The following SLC35F4 variants were observed in gnomAD, a reference collection of about 807,000 sequenced individuals.
SLC35F4 encodes the protein chromosome 14 open reading frame 36.
SLC35F4 carries 24 observed loss-of-function variants against 44.2 expected under a neutral mutation model. The observed-to-expected ratio is 0.54, with a 90% CI of 0.39 to 0.76. The LOEUF (loss-of-function observed/expected upper bound fraction) is 0.76, where lower values mean the gene tolerates loss of function less well. Ranked by LOEUF, SLC35F4 falls within the 30% of genes least tolerant of loss-of-function variation. The pLI, the probability that SLC35F4 is intolerant of heterozygous loss-of-function variation, is 0.00. For synonymous variants in SLC35F4, 238 were observed against 223.6 expected (o/e 1.06, Z -0.57); for missense variants, 562 against 586.1 (o/e 0.96, Z 0.42).
At chr14:57,962,468 T>A (rs1404101891) in intron 1 of SLC35F4, among the ~76,000 whole-genome samples, 3 of 152,140 alleles carry the variant, frequency 2.0e-5, no homozygotes, top group Non-Finnish European at 2.9e-5. Flanking sequence ...TGCCTCAACC[T>A]AAATTAGGAA....
chr14:57,802,985 C>CA (rs59647111), intron 1 of SLC35F4, among the ~76,000 whole-genome samples: 1,033 of 71,114 alleles, frequency 0.015, 10 homozygotes, highest in Middle Eastern at 0.024. Context: ...GCAGAGATAC[C>CA]AAAAAAAAAA....
At chr14:57,799,108 A>G (rs897881661) in intron 1 of SLC35F4, among the ~76,000 whole-genome samples, 4 of 152,218 alleles carry the variant, frequency 2.6e-5, no homozygotes, top group African/African-American at 9.6e-5. Flanking sequence ...TGAAATATCG[A>G]GGTTCTTGCA....
At chr14:57,927,024 T>G (rs959661703) in intron 1 of SLC35F4, among the ~76,000 whole-genome samples, 6 of 152,164 alleles carry the variant, frequency 3.9e-5, no homozygotes, top group African/African-American at 1.4e-4. Flanking sequence ...GAAGGCCACA[T>G]TCCCCAAAGC....
intron 1 of SLC35F4, among the ~76,000 whole-genome samples, chr14:57,937,242 AT>A (rs1889814177): frequency 6.6e-6 from 1 of 151,792 alleles, no homozygotes; most frequent in Non-Finnish European, 1.5e-5. Context: ...TAATTTTTGT[AT>A]TTTTACCAGA....
At chr14:57,575,612 C>A (rs1416752540) in intron 4 of SLC35F4, among the ~76,000 whole-genome samples, 1 of 151,944 alleles carries the variant, frequency 6.6e-6, no homozygotes, top group Non-Finnish European at 1.5e-5. Context: ...GTTTAAACCT[C>A]TCTGCCCTCA....
chr14:57,654,631 T>C lies in SLC35F4; in HGVS notation c.104-60507A>G, dbSNP rs575581692. Among the ~76,000 whole-genome samples, 47 of 152,348 alleles carry C rather than the reference T, an allele frequency of 3.1e-4. 1 individual carries two copies. In the South Asian group the frequency reaches 9.5e-3, roughly 31 times the overall value. On this transcript the variant is annotated intron_variant, in intron 1 of 7. Coordinates refer to ENST00000556826, the MANE Select transcript of SLC35F4 (RefSeq NM_001306087.2). Reference sequence around the variant, plus strand: ...CCCATAGTGGGATTGCTGGATCAAATTGTAGTTCTACTTTTAGTTCTTTAA... The same window carrying C: ...CCCATAGTGGGATTGCTGGATCAAACTGTAGTTCTACTTTTAGTTCTTTAA...
intron 1 of SLC35F4, among the ~76,000 whole-genome samples, chr14:57,743,686 A>G (rs1273043799): frequency 6.6e-6 from 1 of 152,216 alleles, no homozygotes; most frequent in Non-Finnish European, 1.5e-5. Context: ...AACTATTCCA[A>G]TCAATAGAAA....
At chr14:57,928,054 A>G (rs1441820014) in intron 1 of SLC35F4, among the ~76,000 whole-genome samples, 1 of 150,604 alleles carries the variant, frequency 6.6e-6, no homozygotes, top group Non-Finnish European at 1.5e-5. Flanking sequence ...GTAACACCAC[A>G]GAAGAAAAAA....
At chr14:57,582,839 A>G (rs908439644) in intron 3 of SLC35F4, among the ~76,000 whole-genome samples, 3 of 152,226 alleles carry the variant, frequency 2.0e-5, no homozygotes, top group Admixed American at 6.5e-5. Flanking sequence ...CCTCACATGA[A>G]TAACCCCAAA....
Position 57,572,960 on chromosome 14 carries a change from A to G in SLC35F4, c.808-941T>C, listed in dbSNP as rs191496225. Among the ~76,000 whole-genome samples the G allele has an allele frequency of 1.4e-3, 216 of 152,292 alleles. 1 individual carries two copies. Among genetic ancestry groups the G allele is most frequent in the African/African-American group, 4.9e-3 (202 of 41,562 alleles). ...TCACTGACTTTAAAATCCAGATGAA[A>G]ATTGGTGAGAAATTTAAACCTACAT... On this transcript the variant is annotated intron_variant, in intron 4 of 7. Coordinates refer to ENST00000556826, the MANE Select transcript of SLC35F4 (RefSeq NM_001306087.2).
intron 1 of SLC35F4, among the ~76,000 whole-genome samples, chr14:57,733,219 C>T (rs1092017): frequency 0.54 from 81,311 of 151,870 alleles, 22,030 homozygotes; most frequent in Non-Finnish European, 0.58. Context: ...TTGGAAAGTA[C>T]GTACTTTGAA....
At chr14:57,691,195 T>C (rs1005696663) in intron 1 of SLC35F4, among the ~76,000 whole-genome samples, 9 of 151,948 alleles carry the variant, frequency 5.9e-5, no homozygotes, top group Admixed American at 1.3e-4. Flanking sequence ...GGGGAGGAAA[T>C]GAAAAGGTGA....
At chr14:57,886,712 C>G (rs1483037466) in intron 1 of SLC35F4, among the ~76,000 whole-genome samples, 2 of 151,344 alleles carry the variant, frequency 1.3e-5, no homozygotes, top group Non-Finnish European at 2.9e-5. Flanking sequence ...GAGGCCTCTG[C>G]AAAGGCCATG....
intron 1 of SLC35F4, among the ~76,000 whole-genome samples, chr14:57,876,867 G>A (rs1888410000): frequency 6.6e-6 from 1 of 152,144 alleles, no homozygotes; most frequent in Non-Finnish European, 1.5e-5. Flanking sequence ...ATCCTTCAGG[G>A]AAGTCTCTGT....
chr14:57,755,312 C>A lies in SLC35F4; in HGVS notation c.103+110411G>T, dbSNP rs565688778. ...TGACAATGCAGGGTGAATCTGAGAACCCTGGCACTCTGCCAGGACAAATTC... is the reference window on the plus strand; with the variant it reads ...TGACAATGCAGGGTGAATCTGAGAAACCTGGCACTCTGCCAGGACAAATTC... On this transcript the variant is annotated intron_variant, in intron 1 of 7. Coordinates refer to ENST00000556826, the MANE Select transcript of SLC35F4 (RefSeq NM_001306087.2). 2.0e-3 allele frequency among the ~76,000 whole-genome samples: 303 copies of A among 152,256 alleles called. 2 individuals carry two copies. The highest frequency in any genetic ancestry group is 0.01 in the Middle Eastern group (3 of 294).
intron 1 of SLC35F4, among the ~76,000 whole-genome samples, chr14:57,820,311 C>T (rs557903383): frequency 7.9e-5 from 12 of 152,238 alleles, no homozygotes; most frequent in South Asian, 2.1e-4. Flanking sequence ...TATTACTGAT[C>T]GCTCTAAATA....
intron 1 of SLC35F4, among the ~76,000 whole-genome samples, chr14:57,619,819 T>A (rs1292880727): frequency 6.6e-6 from 1 of 151,926 alleles, no homozygotes; most frequent in African/African-American, 2.4e-5. Context: ...AATTGCTAAG[T>A]AGAATAACCA....
rs1594892017 is a variant in SLC35F4 at position 57,571,885 on chromosome 14, A to C, written c.933+9T>G. The C allele has an allele frequency of 1.2e-6, 2 of 1,608,388 alleles. No homozygotes were observed. The highest frequency in any genetic ancestry group is 1.7e-6 in the Non-Finnish European group (2 of 1,176,924). The stretch of plus-strand genomic sequence containing the variant: ...GACAGTTGCTTACAAAAGAAAGTGC[A>C]CAACATACCTTATATAATGCAGATG... On this transcript the variant is annotated intron_variant, in intron 5 of 7. Transcript: ENST00000556826.
intron 1 of SLC35F4, among the ~76,000 whole-genome samples, chr14:57,955,003 A>C (rs1890210986): frequency 6.6e-6 from 1 of 151,688 alleles, no homozygotes; most frequent in South Asian, 2.1e-4. Flanking sequence ...AGAAAATTTC[A>C]GGCCAATATC....
Sources: gnomAD v4.1 joint callset for allele counts (sites outside exome capture counted in the v4.1 genomes callset) on GRCh38, gnomAD v4.1.1 for gene constraint, MANE v1.5 for transcripts, NCBI Gene and HGNC (gene_info 2026-07-23, HGNC 2026-07-21) for gene names.